The following CCDC18 variants were observed in gnomAD, a reference collection of about 807,000 sequenced individuals.
CCDC18 encodes the protein coiled-coil domain-containing protein 18.
In CCDC18, 157 loss-of-function variants were observed where a neutral mutation model predicts 196.0. The observed-to-expected ratio is 0.80, with a 90% CI of 0.70 to 0.91. The LOEUF (loss-of-function observed/expected upper bound fraction) is 0.91. Among genes scored for constraint, CCDC18 ranks in the 40% least tolerant of loss-of-function variants. CCDC18 has a pLI of 0.00. For synonymous variants in CCDC18, 482 were observed against 529.2 expected, an observed-to-expected ratio of 0.91 and a Z score of 1.22; for missense variants, 1,465 against 1,611.6, an observed-to-expected ratio of 0.91 and a Z score of 1.56.
At chr1:93,197,274 G>A (rs1048341450) in intron 6 of CCDC18, among the ~76,000 whole-genome samples, 2 of 151,982 alleles carry the variant, frequency 1.3e-5, no homozygotes, top group Admixed American at 6.6e-5. Flanking sequence ...CAAGAAAATG[G>A]GCATCAGACA....
Position 93,205,647 on chromosome 1 carries a change from G to T in CCDC18, c.917+16G>T. The T allele has an allele frequency of 6.4e-7, 1 of 1,570,308 alleles. No individual in the cohort carries two copies. Among genetic ancestry groups the T allele is most frequent in the South Asian group, 1.2e-5 (1 of 83,962 alleles). ...AGAAATTAAGGTACAGTATTCTGTT[G>T]TAGAAAAAGGATTTTTGTGTGGACA... On this transcript the variant is annotated intron_variant, in intron 8 of 28. Coordinates refer to ENST00000690025, the MANE Select transcript of CCDC18 (RefSeq NM_001378204.1).
chr1:93,231,670 G>T (rs552400542), intron 17 of CCDC18, among the ~76,000 whole-genome samples: 1 of 152,288 alleles, frequency 6.6e-6, no homozygotes, highest in South Asian at 2.1e-4. Flanking sequence ...TTGGATAAAA[G>T]TATCTTAAAG....
intron 27 of CCDC18, among the ~76,000 whole-genome samples, chr1:93,267,140 A>T (rs1250922801): frequency 6.6e-6 from 1 of 152,262 alleles, no homozygotes; most frequent in East Asian, 1.9e-4. Flanking sequence ...CTGGTTCAAC[A>T]TACGCAAATC....
At chr1:93,190,491 AAAG>A (rs1557601701) in intron 4 of CCDC18, among the ~76,000 whole-genome samples, 1 of 152,150 alleles carries the variant, frequency 6.6e-6, no homozygotes, top group Non-Finnish European at 1.5e-5. Context: ...ATCTCAAAAA[AAAG>A]AAGATTTTTT....
rs142691732 is a variant in CCDC18 at position 93,241,531 on chromosome 1, G to A, written c.2981+1635G>A. On this transcript the variant is annotated intron_variant, in intron 21 of 28. Transcript: ENST00000690025. ...AAGGTCAGGAGTTTGAAACCAGCCT[G>A]GCCAATATGGTGAAACCCCATCTCT... Among the ~76,000 whole-genome samples, 691 of 152,030 alleles carry A rather than the reference G, an allele frequency of 4.5e-3. 9 individuals are homozygous for A. The highest frequency in any genetic ancestry group is 0.016 in the African/African-American group (652 of 41,474).
intron 10 of CCDC18, 83 bp from the exon 11 acceptor site, chr1:93,212,018 A>C: frequency 2.5e-6 from 3 of 1,206,672 alleles, no homozygotes; most frequent in Non-Finnish European, 2.3e-6. Context: ...TTTTAAATCA[A>C]CTTGAAAGGT....
At chr1:93,223,900 TACACACAC>T (rs60165485) in intron 16 of CCDC18, among the ~76,000 whole-genome samples, 1,660 of 141,366 alleles carry the variant, frequency 0.012, 25 homozygotes, top group Middle Eastern at 0.049. Flanking sequence ...CATTTATTTA[TACACACAC>T]ACACACACAC....
chr1:93,262,740 C>T (rs1000054194), intron 26 of CCDC18, among the ~76,000 whole-genome samples: 1 of 152,150 alleles, frequency 6.6e-6, no homozygotes, highest in South Asian at 2.1e-4. Context: ...AATGGTGGCC[C>T]TCTTCTTACA....
intron 27 of CCDC18, among the ~76,000 whole-genome samples, chr1:93,268,591 C>CA (rs1664848543): frequency 2.6e-5 from 4 of 151,118 alleles, no homozygotes; most frequent in African/African-American, 9.8e-5. Context: ...AAGAAAAAAA[C>CA]AACCCCATCA....
At chr1:93,247,093 C>T (rs997619108) in intron 23 of CCDC18, 139 bp downstream of exon 23, 4 of 497,064 alleles carry the variant, frequency 8.0e-6, no homozygotes, top group African/African-American at 4.1e-5. Flanking sequence ...GAGTCGTTCT[C>T]TGTCACCCAG....
intron 23 of CCDC18, among the ~76,000 whole-genome samples, chr1:93,248,811 G>C (rs1344947862): frequency 1.3e-5 from 2 of 151,838 alleles, no homozygotes; most frequent in Non-Finnish European, 2.9e-5. Flanking sequence ...CATCTCTATA[G>C]AAAGTAGAAA....
chr1:93,221,907 C>T lies in CCDC18; in HGVS notation c.2146C>T (p.Gln716Ter), dbSNP rs751230232. 6.9e-6 allele frequency: 11 copies of T among 1,594,434 alleles called. No individual in the cohort carries two copies. The East Asian group carries it at 2.0e-4, about 29-fold the overall frequency. Residue 716 changes from glutamine to a stop codon, truncating the protein, a stop_gained, in exon 16 of 29, where the codon CAG (glutamine) becomes TAG (stop). Coordinates refer to ENST00000690025, the MANE Select transcript of CCDC18 (RefSeq NM_001378204.1). LOFTEE classifies it high-confidence loss of function. ...GAAAGATGAAGCTTTAAAAGCATTA[C>T]AGAACCAAGTATCTGAAGAAACAAT... ...MKKDEALKAL[Q>*]NQVSEETIKV...
chr1:93,250,840 CTA>C (rs1206934891), intron 23 of CCDC18, among the ~76,000 whole-genome samples: 1 of 152,054 alleles, frequency 6.6e-6, no homozygotes, highest in Admixed American at 6.6e-5. Context: ...TACTTTCAGT[CTA>C]TGTGTGTCTT....
intron 26 of CCDC18, 60 bp from the exon 27 acceptor site, chr1:93,264,641 C>T (rs1161846993): frequency 1.4e-5 from 14 of 1,003,898 alleles, no homozygotes; most frequent in East Asian, 9.6e-5. Flanking sequence ...AGACTGTTGT[C>T]GAATCCAGTT....
At chr1:93,278,399 C>A in intron 28 of CCDC18, 64 bp from the exon 29 acceptor site, 1 of 656,996 alleles carries the variant, frequency 1.5e-6, no homozygotes, top group Non-Finnish European at 2.4e-6. Context: ...TTATGGTAGA[C>A]TTTTAATGCT....
chr1:93,272,498 A>G (rs1331554707), intron 28 of CCDC18, among the ~76,000 whole-genome samples: 2 of 152,214 alleles, frequency 1.3e-5, no homozygotes, highest in African/African-American at 4.8e-5. Context: ...AATAGAAGAG[A>G]AATTAGGAGA....
intron 28 of CCDC18, among the ~76,000 whole-genome samples, chr1:93,272,299 T>C (rs879285829): frequency 6.6e-6 from 1 of 152,204 alleles, no homozygotes; most frequent in Non-Finnish European, 1.5e-5. Flanking sequence ...GCCTGGTATA[T>C]AGTAGATGCT....
At chr1:93,184,404 G>A (rs1215598847) in intron 3 of CCDC18, among the ~76,000 whole-genome samples, 1 of 151,628 alleles carries the variant, frequency 6.6e-6, no homozygotes, top group African/African-American at 2.4e-5. Context: ...CCTTTTTGCA[G>A]TTAAATGTCT....
chr1:93,234,030 C>A (rs527623759), intron 18 of CCDC18, among the ~76,000 whole-genome samples: 5 of 152,342 alleles, frequency 3.3e-5, no homozygotes, highest in South Asian at 4.1e-4. Context: ...TTGATTCCCA[C>A]TGCCTACATC....
Sources: allele counts gnomAD v4.1 joint callset (sites outside exome capture counted in the v4.1 genomes callset), GRCh38; gene constraint gnomAD v4.1.1; transcripts MANE v1.5; gene names NCBI Gene and HGNC (gene_info 2026-07-23, HGNC 2026-07-21).